The following LUZP2 variants were observed in gnomAD, a reference collection of about 807,000 sequenced individuals.
LUZP2 encodes the protein leucine zipper protein 2.
A neutral mutation model predicts 51.6 loss-of-function variants in LUZP2; 52 were observed. The observed-to-expected ratio is 1.01, with a 90% CI of 0.81 to 1.27. The LOEUF is 1.27. LUZP2 is among the 50% of genes most tolerant of loss of function. The probability of loss-of-function intolerance (pLI) is 0.00; values close to 1 mark genes in which losing one functional copy is unlikely to be tolerated. For missense variants in LUZP2, 436 were observed against 395.4 expected (o/e 1.10, Z -0.87); for synonymous variants, 154 against 137.3 (o/e 1.12, Z -0.85).
chr11:25,045,375 T>C (rs1858274257), intron 9 of LUZP2, among the ~76,000 whole-genome samples: 1 of 147,676 alleles, frequency 6.8e-6, no homozygotes, highest in Non-Finnish European at 1.5e-5. Context: ...GAATAGGACG[T>C]AAAGAATAAC....
At chr11:24,577,948 G>A (rs1167047381) in intron 1 of LUZP2, among the ~76,000 whole-genome samples, 1 of 152,048 alleles carries the variant, frequency 6.6e-6, no homozygotes, top group African/African-American at 2.4e-5. Context: ...AGTCATTTCA[G>A]GCCCACGATG....
At chr11:24,781,280 C>T (rs1041916932) in intron 5 of LUZP2, among the ~76,000 whole-genome samples, 4 of 152,164 alleles carry the variant, frequency 2.6e-5, no homozygotes, top group South Asian at 2.1e-4. Flanking sequence ...TCAGCTGAAA[C>T]ATTTCACCTT....
intron 9 of LUZP2, among the ~76,000 whole-genome samples, chr11:25,029,581 A>G (rs571432378): frequency 6.6e-6 from 1 of 152,106 alleles, no homozygotes; most frequent in Admixed American, 6.6e-5. Context: ...TGCTAAAATT[A>G]CAAAAATTAG....
intron 1 of LUZP2, among the ~76,000 whole-genome samples, chr11:24,600,303 A>G (rs1181391490): frequency 6.6e-6 from 1 of 152,072 alleles, no homozygotes; most frequent in Non-Finnish European, 1.5e-5. Flanking sequence ...TCAGGATTAT[A>G]CAGCTGCAAG....
At chr11:25,000,324 G>A (rs1262641835) in intron 9 of LUZP2, among the ~76,000 whole-genome samples, 1 of 152,112 alleles carries the variant, frequency 6.6e-6, no homozygotes, top group East Asian at 1.9e-4. Flanking sequence ...CTGCTGTTGG[G>A]AATTTGGCTG....
intron 1 of LUZP2, among the ~76,000 whole-genome samples, chr11:24,598,810 G>A (rs902366128): frequency 2.6e-5 from 4 of 152,152 alleles, no homozygotes; most frequent in African/African-American, 9.7e-5. Flanking sequence ...ACAATGGGAT[G>A]TCTTTGCTTC....
chr11:24,549,581 G>A (rs751474489), intron 1 of LUZP2, among the ~76,000 whole-genome samples: 22 of 151,868 alleles, frequency 1.4e-4, no homozygotes, highest in Admixed American at 2.6e-4. Flanking sequence ...TTATACAAGC[G>A]GAAGCAAGTA....
At chr11:24,777,805 T>C (rs890976983) in intron 5 of LUZP2, among the ~76,000 whole-genome samples, 5 of 152,118 alleles carry the variant, frequency 3.3e-5, no homozygotes, top group African/African-American at 1.2e-4. Flanking sequence ...TCTTCTGTGG[T>C]TTTTATTTTT....
chr11:24,538,308 C>T (rs1322869923), intron 1 of LUZP2, among the ~76,000 whole-genome samples: 1 of 151,360 alleles, frequency 6.6e-6, no homozygotes, highest in Non-Finnish European at 1.5e-5. Context: ...TAAAAATTAG[C>T]TCCAAATGTT....
chr11:25,050,338 G>GT (rs1325044927), intron 10 of LUZP2, among the ~76,000 whole-genome samples: 2 of 109,864 alleles, frequency 1.8e-5, no homozygotes, highest in African/African-American at 7.2e-5. Flanking sequence ...GTCTTGGTCT[G>GT]TCGCCCAGGC....
At chr11:24,964,552 T>A (rs1000986465) in intron 7 of LUZP2, among the ~76,000 whole-genome samples, 1 of 152,138 alleles carries the variant, frequency 6.6e-6, no homozygotes, top group Non-Finnish European at 1.5e-5. Context: ...GAGCTGATAA[T>A]ATCTGCCTAA....
intron 5 of LUZP2, among the ~76,000 whole-genome samples, chr11:24,830,120 G>A (rs1332996227): frequency 2.1e-5 from 3 of 145,980 alleles, no homozygotes; most frequent in South Asian, 4.3e-4. Flanking sequence ...AAAAAAAAAC[G>A]CTTAAAGCCT....
rs189270817 is a variant in LUZP2, at chr11:24,526,177, A to G, written c.62+28872A>G. On this transcript the variant is annotated intron_variant, in intron 1 of 11. Coordinates refer to ENST00000336930, the MANE Select transcript of LUZP2 (RefSeq NM_001009909.4). ...TGTTTTCTAAAGCAATCATTCTGCT[A>G]TGAAGTGCTCCACTATCTGCAGGGC... Among the ~76,000 whole-genome samples the G allele has an allele frequency of 6.4e-3, 964 of 151,108 alleles. 8 individuals are homozygous for G. The highest frequency in any genetic ancestry group is 0.022 in the African/African-American group (917 of 41,362).
At position 24,528,166 on chromosome 11, in the gene LUZP2, T is replaced by C. The variant is rs370149815; in HGVS notation, c.62+30861T>C. Among the ~76,000 whole-genome samples, 4 of 151,436 alleles carry C rather than the reference T, an allele frequency of 2.6e-5. No homozygotes were observed. The South Asian group carries it at 8.3e-4, about 31-fold the overall frequency. ...ATAAAAGGAAGTAAATAATTCTTTA[T>C]AGTCAAAAGCAGATTTCTCAGCATG... On this transcript the variant is annotated intron_variant, in intron 1 of 11. Transcript: ENST00000336930.
chr11:24,805,248 CT>C (rs746605788), intron 5 of LUZP2, among the ~76,000 whole-genome samples: 1 of 152,100 alleles, frequency 6.6e-6, no homozygotes, highest in South Asian at 2.1e-4. Flanking sequence ...GTCATCAGAT[CT>C]GGTGAGACTT....
At chr11:24,527,048 A>T (rs1378341529) in intron 1 of LUZP2, among the ~76,000 whole-genome samples, 1 of 151,324 alleles carries the variant, frequency 6.6e-6, no homozygotes, top group Non-Finnish European at 1.5e-5. Context: ...CTTTATTTCA[A>T]TCCAAACAAT....
chr11:24,862,385 G>A (rs1343270797), intron 5 of LUZP2, among the ~76,000 whole-genome samples: 1 of 152,144 alleles, frequency 6.6e-6, no homozygotes, highest in Non-Finnish European at 1.5e-5. Flanking sequence ...CCCTGCAAGA[G>A]CTCCTGAAGG....
At chr11:25,061,640 T>C (rs1244418468) in intron 10 of LUZP2, among the ~76,000 whole-genome samples, 1 of 152,142 alleles carries the variant, frequency 6.6e-6, no homozygotes, top group Non-Finnish European at 1.5e-5. Context: ...TTAATTGAGA[T>C]GATGAAGGTA....
chr11:24,837,707 CCTT>C (rs930063322), intron 5 of LUZP2, among the ~76,000 whole-genome samples: 24 of 151,748 alleles, frequency 1.6e-4, no homozygotes, highest in Middle Eastern at 3.4e-3. Context: ...ATTACGGTGT[CCTT>C]CTCTGTAAAA....
Sources: allele counts gnomAD v4.1 joint callset (sites outside exome capture counted in the v4.1 genomes callset), GRCh38; gene constraint gnomAD v4.1.1; transcripts MANE v1.5; gene names NCBI Gene and HGNC (gene_info 2026-07-23, HGNC 2026-07-21).